Variants in LRMDA observed in about 807,000 individuals in gnomAD.
LRMDA encodes the protein leucine-rich melanocyte differentiation-associated protein.
LRMDA carries 18 observed loss-of-function variants against 29.8 expected under a neutral mutation model. That is an observed-to-expected ratio of 0.60 (90% CI 0.42 to 0.90). The LOEUF (loss-of-function observed/expected upper bound fraction) is 0.90, where lower values mean the gene tolerates loss of function less well. Among genes scored for constraint, LRMDA ranks in the 40% least tolerant of loss-of-function variants. The pLI is 0.00. For missense variants in LRMDA, 273 were observed against 273.9 expected, an observed-to-expected ratio of 1.00 and a Z score of 0.02; for synonymous variants, 125 against 109.4, an observed-to-expected ratio of 1.14 and a Z score of -0.89.
chr10:76,078,568 G>T (rs1848999106), intron 5 of LRMDA, among the ~76,000 whole-genome samples: 1 of 152,056 alleles, frequency 6.6e-6, no homozygotes, highest in Non-Finnish European at 1.5e-5. Context: ...GGGTGCGGTG[G>T]CTCATGCCTG....
intron 6 of LRMDA, among the ~76,000 whole-genome samples, chr10:76,358,414 C>T (rs750412282): frequency 3.3e-5 from 5 of 152,306 alleles, no homozygotes; most frequent in South Asian, 2.1e-4. Context: ...TTATGCACAG[C>T]GTTTCCTCTT....
chr10:75,861,969 TC>T (rs1844937806), intron 2 of LRMDA, among the ~76,000 whole-genome samples: 1 of 152,140 alleles, frequency 6.6e-6, no homozygotes, highest in Non-Finnish European at 1.5e-5. Context: ...CCTCCAGCTA[TC>T]CCCCCCAAGA....
intron 2 of LRMDA, among the ~76,000 whole-genome samples, chr10:75,533,681 T>C (rs1314459853): frequency 6.6e-6 from 1 of 152,160 alleles, no homozygotes; most frequent in African/African-American, 2.4e-5. Flanking sequence ...CTCTGGTGTC[T>C]TGTGTTTGGG....
At chr10:75,810,317 G>T (rs989215397) in intron 2 of LRMDA, among the ~76,000 whole-genome samples, 1 of 152,194 alleles carries the variant, frequency 6.6e-6, no homozygotes, top group Admixed American at 6.5e-5. Context: ...GCAGTGTGCA[G>T]GGCAGACTGG....
intron 6 of LRMDA, among the ~76,000 whole-genome samples, chr10:76,498,736 A>G (rs141983310): frequency 0.049 from 3,760 of 76,092 alleles, 1,604 homozygotes; most frequent in Non-Finnish European, 0.12. Flanking sequence ...AATCTATAAA[A>G]GTTAGATTCA....
chr10:76,241,204 T>A (rs1312914), intron 5 of LRMDA, among the ~76,000 whole-genome samples: 7 of 151,802 alleles, frequency 4.6e-5, no homozygotes, highest in African/African-American at 7.3e-5. Flanking sequence ...CAGAAATCAC[T>A]ACTAAAGACC....
chr10:75,688,922 C>A (rs1842112875), intron 2 of LRMDA, among the ~76,000 whole-genome samples: 1 of 152,132 alleles, frequency 6.6e-6, no homozygotes, highest in East Asian at 1.9e-4. Context: ...TATTTTAAAT[C>A]AGGGTATATA....
chr10:76,351,222 C>T (rs1237892631), intron 6 of LRMDA, among the ~76,000 whole-genome samples: 1 of 152,180 alleles, frequency 6.6e-6, no homozygotes, highest in African/African-American at 2.4e-5. Context: ...GACTCCGAAA[C>T]AGCCATACAT....
chr10:75,437,259 C>T (rs1482768880), intron 1 of LRMDA, among the ~76,000 whole-genome samples: 1 of 152,136 alleles, frequency 6.6e-6, no homozygotes, highest in African/African-American at 2.4e-5. Flanking sequence ...CATAGTTGAA[C>T]CTAATATCTG....
At chr10:75,958,060 AAACTGT>A (rs1225872758) in intron 2 of LRMDA, among the ~76,000 whole-genome samples, 1 of 152,190 alleles carries the variant, frequency 6.6e-6, no homozygotes, top group Non-Finnish European at 1.5e-5. Flanking sequence ...TATAAACTGA[AAACTGT>A]AGCCTGTGCG....
chr10:76,210,852 G>A (rs1434249389), intron 5 of LRMDA, among the ~76,000 whole-genome samples: 3 of 152,322 alleles, frequency 2.0e-5, no homozygotes, highest in East Asian at 1.9e-4. Flanking sequence ...ACTCCACTGC[G>A]TATGTGTGTT....
intron 2 of LRMDA, among the ~76,000 whole-genome samples, chr10:75,883,930 T>C (rs1312667641): frequency 6.6e-6 from 1 of 151,850 alleles, no homozygotes; most frequent in Non-Finnish European, 1.5e-5. Context: ...CTCACTGTAG[T>C]GCAAAGCCCT....
At chr10:76,360,816 C>T (rs1841302076) in intron 6 of LRMDA, among the ~76,000 whole-genome samples, 1 of 152,158 alleles carries the variant, frequency 6.6e-6, no homozygotes, top group South Asian at 2.1e-4. Flanking sequence ...TAAGTTAAGA[C>T]ATTTCTGATT....
intron 2 of LRMDA, among the ~76,000 whole-genome samples, chr10:75,837,903 A>G (rs995853026): frequency 6.6e-6 from 1 of 152,184 alleles, no homozygotes; most frequent in Admixed American, 6.5e-5. Flanking sequence ...TTTCTTAACT[A>G]TGTCGCTAAG....
chr10:75,978,611 C>T (rs1028337812), intron 2 of LRMDA, among the ~76,000 whole-genome samples: 5 of 152,146 alleles, frequency 3.3e-5, no homozygotes, highest in African/African-American at 9.7e-5. Flanking sequence ...GGTGTGGACG[C>T]AGTGAACTAT....
intron 2 of LRMDA, among the ~76,000 whole-genome samples, chr10:75,808,724 G>A (rs1195056751): frequency 2.6e-5 from 4 of 152,224 alleles, no homozygotes; most frequent in Non-Finnish European, 4.4e-5. Flanking sequence ...TGGCCAGGAT[G>A]GTCTTGATCT....
At chr10:75,450,221 AG>A (rs1166446503) in intron 2 of LRMDA, 1 of 152,018 alleles carries the variant, frequency 6.6e-6, no homozygotes, top group Non-Finnish European at 1.5e-5. Context: ...AAGGTCACTT[AG>A]GGTTTTAAAT....
chr10:76,167,406 T>C (rs1850760380), intron 5 of LRMDA, among the ~76,000 whole-genome samples: 1 of 151,912 alleles, frequency 6.6e-6, no homozygotes, highest in Non-Finnish European at 1.5e-5. Context: ...AGAATAGTAT[T>C]GCCTATCTTG....
chr10:75,573,418 G>C (rs1214219502), intron 2 of LRMDA, among the ~76,000 whole-genome samples: 2 of 151,864 alleles, frequency 1.3e-5, no homozygotes, highest in Non-Finnish European at 2.9e-5. Context: ...ATTCCTATTA[G>C]AATGTGTGAT....
Sources: allele counts gnomAD v4.1 joint callset (sites outside exome capture counted in the v4.1 genomes callset), GRCh38; gene constraint gnomAD v4.1.1; transcripts MANE v1.5; gene names NCBI Gene and HGNC (gene_info 2026-07-23, HGNC 2026-07-21).